PTGER2: variants seen among roughly 807,000 people sequenced by gnomAD.
PTGER2 encodes prostaglandin E2 receptor EP2 subtype.
PTGER2 carries 22 observed loss-of-function variants against 26.2 expected under a neutral mutation model. That is an observed-to-expected ratio of 0.84 (90% CI 0.60 to 1.20). PTGER2 has a LOEUF of 1.20. Ranked by LOEUF, PTGER2 falls within the 50% of genes most tolerant of loss-of-function variation. The pLI, the probability that PTGER2 is intolerant of heterozygous loss-of-function variation, is 0.00. For missense variants in PTGER2, 458 were observed against 475.2 expected, an observed-to-expected ratio of 0.96 and a Z score of 0.34; for synonymous variants, 219 against 208.9, an observed-to-expected ratio of 1.05 and a Z score of -0.42.
chr14:52,317,265 T>C (rs1007454512), intron 1 of PTGER2, among the ~76,000 whole-genome samples: 10 of 152,194 alleles, frequency 6.6e-5, no homozygotes, highest in African/African-American at 2.4e-4. Context: ...GATAACACAC[T>C]TGTGAAACGA....
In PTGER2 at chr14:52,314,497, C is replaced by A; in HGVS notation, c.-52C>A. On this transcript the variant is annotated 5_prime_UTR_variant, in exon 1 of 2. Transcript: ENST00000245457. This position sits in a 1 kb window ranked among gnomAD's most constrained non-coding sequence, Gnocchi z 5.7. ...GCTCCGGCTCTCAGACCCTCTTCCT[C>A]CCAGGTAAAGGCCGGGAGAGGAGGG... The A allele has an allele frequency of 7.0e-7, 1 of 1,430,922 alleles. No individual in the cohort carries two copies. The allele number at this position is 1,430,922 out of a possible 1,614,324, so 88.6% of individuals were successfully genotyped here. A position where few individuals can be genotyped will look rare whatever the true frequency, so the allele number is the denominator to read the frequency against.
At chr14:52,317,534 G>A (rs1227433089) in intron 1 of PTGER2, among the ~76,000 whole-genome samples, 3 of 152,180 alleles carry the variant, frequency 2.0e-5, no homozygotes, top group Non-Finnish European at 4.4e-5. Context: ...GGCTGCTCCA[G>A]AGTTGCCAGA....
At chr14:52,319,835 A>C (rs1282195745) in intron 1 of PTGER2, among the ~76,000 whole-genome samples, 1 of 152,254 alleles carries the variant, frequency 6.6e-6, no homozygotes, top group African/African-American at 2.4e-5. Flanking sequence ...CATACTAAAA[A>C]GTTCTCCATC....
chr14:52,325,829 G>A (rs1009431529), intron 1 of PTGER2, among the ~76,000 whole-genome samples: 6 of 152,174 alleles, frequency 3.9e-5, no homozygotes, highest in African/African-American at 1.4e-4. Flanking sequence ...CCCAACATAA[G>A]CAAACTGAAG....
At chr14:52,318,936 A>G (rs114779891) in intron 1 of PTGER2, among the ~76,000 whole-genome samples, 1 of 152,356 alleles carries the variant, frequency 6.6e-6, no homozygotes, top group African/African-American at 2.4e-5. Context: ...ACAGCACCGT[A>G]GGAAATAGTA....
chr14:52,320,180 TG>T (rs1431940333), intron 1 of PTGER2, among the ~76,000 whole-genome samples: 1 of 152,230 alleles, frequency 6.6e-6, no homozygotes, highest in East Asian at 1.9e-4. Flanking sequence ...ACCATGTGTT[TG>T]GGGATCGATG....
chr14:52,316,914 G>T (rs773552866), intron 1 of PTGER2, among the ~76,000 whole-genome samples: 2 of 152,202 alleles, frequency 1.3e-5, no homozygotes, highest in Non-Finnish European at 2.9e-5. Flanking sequence ...CTGAGCAGGG[G>T]AGTTTATGCA....
chr14:52,314,408 C>G lies in PTGER2; in HGVS notation c.-141C>G. The stretch of plus-strand genomic sequence containing the variant: ...GACCCAGGGCAAGCCGCCGTCGGCG[C>G]GCTGGGTGCGGGAAGGGGGCTCTGG... On this transcript the variant is annotated 5_prime_UTR_variant, in exon 1 of 2. Transcript: ENST00000245457. This position sits in a 1 kb window ranked among gnomAD's most constrained non-coding sequence, Gnocchi z 5.7. The G allele has an allele frequency of 9.5e-7, 1 of 1,051,114 alleles. No individual in the cohort carries two copies. Among genetic ancestry groups the G allele is most frequent in the Non-Finnish European group, 1.2e-6 (1 of 813,090 alleles). The allele number at this position is 1,051,114 out of a possible 1,614,324, so 65.1% of individuals were successfully genotyped here. A position where few individuals can be genotyped will look rare whatever the true frequency, so the allele number is the denominator to read the frequency against.
chr14:52,326,539 A>T (rs45579732), intron 1 of PTGER2, among the ~76,000 whole-genome samples: 5,623 of 152,304 alleles, frequency 0.037, 146 homozygotes, highest in Non-Finnish European at 0.054. Flanking sequence ...TAAAGATGTC[A>T]AAACTGAGGC....
chr14:52,317,073 C>A (rs1191739872), intron 1 of PTGER2, among the ~76,000 whole-genome samples: 1 of 152,200 alleles, frequency 6.6e-6, no homozygotes, highest in Non-Finnish European at 1.5e-5. Context: ...GAAAGCATTT[C>A]AAGTTCCACC....
At position 52,314,633 on chromosome 14, in the gene PTGER2, T is replaced by G; in HGVS notation, c.85T>G (p.Ser29Ala). The G allele has an allele frequency of 6.6e-7, 1 of 1,514,148 alleles. No individual in the cohort carries two copies. 93.8% of individuals were successfully genotyped at this position (1,514,148 alleles called of 1,614,324 possible). The change falls in exon 1 of 2, where the codon TCC becomes GCC. Residue 29 changes from serine (S) to alanine (A), a missense_variant. Coordinates refer to ENST00000245457, the MANE Select transcript of PTGER2 (RefSeq NM_000956.4). This position sits in a 1 kb window ranked among gnomAD's most constrained non-coding sequence, Gnocchi z 5.7. ...CCCAGGCGAAAGCCCAGCCATCAGC[T>G]CCGTCATGTTCTCGGCCGGGGTGCT... ...LPPGESPAIS[S>A]VMFSAGVLGN...
Position 52,314,313 on chromosome 14 carries a change from C to G in PTGER2, c.-236C>G, listed in dbSNP as rs2033807021. 2.9e-6 allele frequency: 1 copy of G among 346,948 alleles called. No individual in the cohort carries two copies. The highest frequency in any genetic ancestry group is 2.1e-5 in the African/African-American group (1 of 47,248). 21.5% of individuals were successfully genotyped at this position (346,948 alleles called of 1,614,324 possible). ...CTCTGGCTCCCGGCCTTGGCCGGCG[C>G]GGGTAGGCGCGGGAGCCTCGAGCGC... is the stretch of plus-strand genomic sequence containing the variant. On this transcript the variant is annotated 5_prime_UTR_variant, in exon 1 of 2. Transcript: ENST00000245457. The surrounding 1 kb of genome is among the most constrained non-coding windows in gnomAD (Gnocchi z 5.7).
intron 1 of PTGER2, among the ~76,000 whole-genome samples, chr14:52,325,632 A>G (rs2033942316): frequency 6.6e-6 from 1 of 152,176 alleles, no homozygotes; most frequent in South Asian, 2.1e-4. Context: ...GTTTTCATCC[A>G]AAATAGTTTA....
intron 1 of PTGER2, among the ~76,000 whole-genome samples, chr14:52,317,392 C>CCTGTTT (rs1472318716): frequency 2.0e-5 from 3 of 152,106 alleles, no homozygotes; most frequent in Non-Finnish European, 4.4e-5. Context: ...AACAGGTTGC[C>CCTGTTT]CTGTTTTCAT....
intron 1 of PTGER2, among the ~76,000 whole-genome samples, chr14:52,321,320 C>A (rs1254594): frequency 6.6e-6 from 1 of 151,998 alleles, no homozygotes; most frequent in Admixed American, 6.5e-5. Context: ...TAGTGTCTTT[C>A]AGAAGGCAGG....
At chr14:52,323,282 C>A (rs960950720) in intron 1 of PTGER2, among the ~76,000 whole-genome samples, 2 of 64,324 alleles carry the variant, frequency 3.1e-5, no homozygotes, top group Non-Finnish European at 9.9e-5. Flanking sequence ...GAGACAGAGA[C>A]TCACTCTGTC....
chr14:52,324,485 A>T (rs1170239173), intron 1 of PTGER2, among the ~76,000 whole-genome samples: 2 of 152,216 alleles, frequency 1.3e-5, no homozygotes, highest in African/African-American at 4.8e-5. Flanking sequence ...TATATCAAAG[A>T]CATGCTCCCA....
At chr14:52,323,171 C>T (rs897362791) in intron 1 of PTGER2, among the ~76,000 whole-genome samples, 5 of 152,144 alleles carry the variant, frequency 3.3e-5, no homozygotes, top group Non-Finnish European at 7.4e-5. Flanking sequence ...CATTTGGGGT[C>T]CCTGACTTCC....
At chr14:52,323,280 G>A (rs751906359) in intron 1 of PTGER2, among the ~76,000 whole-genome samples, 1 of 72,886 alleles carries the variant, frequency 1.4e-5, no homozygotes, top group East Asian at 2.8e-4. Context: ...TTGAGACAGA[G>A]ACTCACTCTG....
Sources: allele counts gnomAD v4.1 joint callset (sites outside exome capture counted in the v4.1 genomes callset), GRCh38; gene constraint gnomAD v4.1.1; non-coding constraint Gnocchi (gnomAD v3.1); transcripts MANE v1.5; gene names NCBI Gene and HGNC (gene_info 2026-07-23, HGNC 2026-07-21).